Variants in ZNF148 observed in about 807,000 individuals in gnomAD.
ZNF148 encodes the protein zinc finger protein 148.
In ZNF148, 7 loss-of-function variants were observed where a neutral mutation model predicts 67.7. That is an observed-to-expected ratio of 0.10 (90% confidence interval 0.06 to 0.19). ZNF148 has a LOEUF of 0.19. ZNF148 is among the 10% of genes least tolerant of loss of function. The pLI is 1.00. For missense variants in ZNF148, 583 were observed against 947.1 expected (o/e 0.62, Z 5.05); for synonymous variants, 333 against 330.7 (o/e 1.01, Z -0.08).
At chr3:125,239,740 A>G (rs754071900) in intron 7 of ZNF148, among the ~76,000 whole-genome samples, 2 of 152,224 alleles carry the variant, frequency 1.3e-5, no homozygotes, top group Non-Finnish European at 2.9e-5. Flanking sequence ...CACAATGGCC[A>G]AAAGAGGAAA....
At chr3:125,278,429 T>C (rs1938190135) in intron 6 of ZNF148, among the ~76,000 whole-genome samples, 1 of 152,150 alleles carries the variant, frequency 6.6e-6, no homozygotes, top group African/African-American at 2.4e-5. Flanking sequence ...AAGAGTAGTC[T>C]ACTCTAAGTC....
At position 125,269,076 on chromosome 3, in the gene ZNF148, G is replaced by A. The variant is rs950885456; in HGVS notation, c.667+8650C>T. The stretch of plus-strand genomic sequence containing the variant: ...AAAATAAGACATACAAGCAATCAAC[G>A]TATGAAAAAGGTCAGGCACAGTGGC... On this transcript the variant is annotated intron_variant, in intron 7 of 8. Transcript: ENST00000360647. Among the ~76,000 whole-genome samples the A allele has an allele frequency of 5.3e-5, 8 of 151,688 alleles. No individual in the cohort carries two copies. The East Asian group carries it at 1.4e-3, about 26-fold the overall frequency.
chr3:125,333,934 T>C (rs547986887), intron 1 of ZNF148, among the ~76,000 whole-genome samples: 9 of 152,362 alleles, frequency 5.9e-5, no homozygotes, highest in African/African-American at 2.2e-4. Flanking sequence ...AGGAGTTTTA[T>C]TGTATCTATG....
intron 6 of ZNF148, 48 bp from the exon 7 acceptor site, chr3:125,277,857 G>T: frequency 6.7e-7 from 1 of 1,482,736 alleles, no homozygotes. Flanking sequence ...TAAAACAACG[G>T]TTTTTAGTTA....
chr3:125,305,758 A>G (rs1939840387), intron 4 of ZNF148, among the ~76,000 whole-genome samples: 1 of 151,638 alleles, frequency 6.6e-6, no homozygotes, highest in African/African-American at 2.4e-5. Flanking sequence ...GGCTACATTA[A>G]GCCATGATCA....
intron 1 of ZNF148, among the ~76,000 whole-genome samples, chr3:125,338,137 C>A (rs1195549197): frequency 6.6e-6 from 1 of 151,956 alleles, no homozygotes; most frequent in East Asian, 1.9e-4. Flanking sequence ...ACCAGATCCT[C>A]CACCTCCTAA....
chr3:125,237,347 T>C lies in ZNF148; in HGVS notation c.668-3018A>G, dbSNP rs189314408. ...CTGTAATCCCAGCACTTTGGGAGGC[T>C]GTGGTGGGTGAACTGCTTGAGCTCA... On this transcript the variant is annotated intron_variant, in intron 7 of 8. Coordinates refer to ENST00000360647, the MANE Select transcript of ZNF148 (RefSeq NM_021964.3). 6.6e-5 allele frequency among the ~76,000 whole-genome samples: 10 copies of C among 152,244 alleles called. No homozygotes were observed. In the East Asian group the frequency reaches 1.9e-3, roughly 29 times the overall value.
chr3:125,309,088 T>C (rs180921092), intron 4 of ZNF148, among the ~76,000 whole-genome samples: 28 of 152,232 alleles, frequency 1.8e-4, no homozygotes, highest in East Asian at 9.7e-4. Context: ...TGTGGAGGAA[T>C]TGACTGGGAA....
intron 2 of ZNF148, among the ~76,000 whole-genome samples, chr3:125,323,852 C>T (rs928062516): frequency 2.0e-5 from 3 of 151,632 alleles, no homozygotes; most frequent in Admixed American, 1.3e-4. Flanking sequence ...CCCAGCTACT[C>T]GGAGGCTGAG....
At position 125,309,005 on chromosome 3, in the gene ZNF148, T is replaced by A. The variant is rs963035915; in HGVS notation, c.333+4303A>T. 2.6e-5 allele frequency among the ~76,000 whole-genome samples: 4 copies of A among 152,318 alleles called. No homozygotes were observed. In the South Asian group the frequency reaches 8.3e-4, roughly 32 times the overall value. On this transcript the variant is annotated intron_variant, in intron 4 of 8. Transcript: ENST00000360647. The stretch of plus-strand genomic sequence containing the variant: ...AAAGCAGCCAGACACAAGAGTTACA[T>A]GTAACTCCATTTACATGAGGTTCTC...
chr3:125,226,277 G>A lies in ZNF148; in HGVS notation c.*6064C>T, dbSNP rs1406395148. The A allele has an allele frequency of 1.3e-5, 2 of 152,266 alleles. No homozygotes were observed. Among genetic ancestry groups the A allele is most frequent in the African/African-American group, 2.4e-5 (1 of 41,338 alleles). The allele number at this position is 152,266 out of a possible 1,614,324, so 9.4% of individuals were successfully genotyped here. On this transcript the variant is annotated 3_prime_UTR_variant, in exon 9 of 9. Transcript: ENST00000360647. Reference sequence around the variant, plus strand: ...CACACAGAAATTCTTTTCTCTTTACGGTTATATCTATGCACCATGATTTTT... The same window carrying A: ...CACACAGAAATTCTTTTCTCTTTACAGTTATATCTATGCACCATGATTTTT...
chr3:125,260,273 T>C (rs1937278820), intron 7 of ZNF148, among the ~76,000 whole-genome samples: 1 of 151,782 alleles, frequency 6.6e-6, no homozygotes. Flanking sequence ...TGACAGACGC[T>C]CAACACAGGG....
intron 8 of ZNF148, 81 bp from the exon 9 acceptor site, chr3:125,234,020 TATAAAG>T: frequency 6.9e-7 from 1 of 1,458,658 alleles, no homozygotes; most frequent in Non-Finnish European, 9.1e-7. Flanking sequence ...AAACAATTAA[TATAAAG>T]ATATATTAAT....
intron 7 of ZNF148, among the ~76,000 whole-genome samples, chr3:125,277,012 T>G (rs1938112295): frequency 6.6e-6 from 1 of 152,172 alleles, no homozygotes; most frequent in African/African-American, 2.4e-5. Flanking sequence ...TTCAAAGTTA[T>G]ACAAATTTAC....
At chr3:125,360,824 A>T (rs980121659) in intron 1 of ZNF148, among the ~76,000 whole-genome samples, 9 of 149,694 alleles carry the variant, frequency 6.0e-5, no homozygotes, top group African/African-American at 1.9e-4. Flanking sequence ...TTAAAAAAAA[A>T]AAATTAAAAT....
chr3:125,247,283 G>T (rs1273347249), intron 7 of ZNF148, among the ~76,000 whole-genome samples: 1 of 151,986 alleles, frequency 6.6e-6, no homozygotes, highest in South Asian at 2.1e-4. Flanking sequence ...ACAGATTGGG[G>T]TCACTAACTC....
Position 125,233,647 on chromosome 3 carries a change from A to G in ZNF148, c.1079T>C (p.Met360Thr). 1.2e-6 allele frequency: 2 copies of G among 1,613,986 alleles called. No homozygotes were observed. Among genetic ancestry groups the G allele is most frequent in the Non-Finnish European group, 1.7e-6 (2 of 1,179,934 alleles). The change falls in exon 9 of 9, where the codon ATG becomes ACG. Residue 360 changes from methionine (M) to threonine (T), a missense_variant. Around this residue, in one of 5 missense-constraint regions of ZNF148, gnomAD observed 172 missense variants for 307.7 expected, o/e 0.56. Transcript: ENST00000360647. The surrounding 1 kb of genome is among the most constrained non-coding windows in gnomAD (Gnocchi z 5.1). ...CATTTCAACAGCATATTCTGCAACCATATACTCATCTTTTACTTTAGTACT... is the reference window on the plus strand; with the variant it reads ...CATTTCAACAGCATATTCTGCAACCGTATACTCATCTTTTACTTTAGTACT... Reference protein sequence around the residue: ...SSSTKVKDEYMVAEYAVEMPH... With the variant: ...SSSTKVKDEYTVAEYAVEMPH...
chr3:125,307,713 TG>T (rs1939961427), intron 4 of ZNF148, among the ~76,000 whole-genome samples: 2 of 152,078 alleles, frequency 1.3e-5, no homozygotes, highest in African/African-American at 4.8e-5. Flanking sequence ...GGTGTGATCT[TG>T]GCTCACTGCA....
At chr3:125,305,742 G>A (rs1278680489) in intron 4 of ZNF148, among the ~76,000 whole-genome samples, 3 of 151,300 alleles carry the variant, frequency 2.0e-5, no homozygotes, top group African/African-American at 4.9e-5. Context: ...GAGCTCAGGA[G>A]GTGAAGGCTA....
Sources: gnomAD v4.1 joint callset for allele counts (sites outside exome capture counted in the v4.1 genomes callset) on GRCh38, gnomAD v4.1.1 for gene constraint, gnomAD v4.1.1 regional missense constraint, Gnocchi (gnomAD v3.1) non-coding constraint, MANE v1.5 for transcripts, NCBI Gene and HGNC (gene_info 2026-07-23, HGNC 2026-07-21) for gene names.